The following ZNF420 variants were observed in gnomAD, a reference collection of about 807,000 sequenced individuals.
ZNF420 encodes ATM and p53-associated KZNF protein.
Under a neutral mutation model 44.7 loss-of-function variants are expected in ZNF420, and 31 were observed. The observed-to-expected ratio is 0.69, with a 90% confidence interval of 0.52 to 0.94. ZNF420 has a LOEUF of 0.94. ZNF420 is among the 40% of genes least tolerant of loss of function. The probability of loss-of-function intolerance (pLI) is 0.00; values close to 1 mark genes in which losing one functional copy is unlikely to be tolerated. For synonymous variants in ZNF420, 245 were observed against 267.4 expected, an observed-to-expected ratio of 0.92 and a Z score of 0.82; for missense variants, 681 against 827.9, an observed-to-expected ratio of 0.82 and a Z score of 2.18.
upstream of ZNF420, among the ~76,000 whole-genome samples, chr19:37,076,900 A>C (rs1044213136): frequency 6.6e-6 from 1 of 152,178 alleles, no homozygotes; most frequent in Non-Finnish European, 1.5e-5. Flanking sequence ...GTGCAATTTA[A>C]TTATCTATAT....
At chr19:37,111,148 C>A (rs373281198) in intron 4 of ZNF420, among the ~76,000 whole-genome samples, 3 of 152,212 alleles carry the variant, frequency 2.0e-5, no homozygotes, top group Non-Finnish European at 2.9e-5. Flanking sequence ...GTATTTTGAA[C>A]AATGATGCCT....
chr19:37,089,253 C>T, intron 3 of ZNF420, 126 bp downstream of exon 3: 1 of 833,000 alleles, frequency 1.2e-6, no homozygotes, highest in Non-Finnish European at 2.1e-6. Context: ...CTCAGTTTGT[C>T]CCATTCTGAT....
chr19:37,095,744 G>A (rs905761062), intron 4 of ZNF420, among the ~76,000 whole-genome samples: 5 of 152,044 alleles, frequency 3.3e-5, no homozygotes, highest in South Asian at 4.2e-4. Flanking sequence ...GATTACAGGC[G>A]CCCGCAGCCA....
chr19:37,008,146 G>A (rs2074542381), intron 1 of ZNF420: 4 of 301,090 alleles, frequency 1.3e-5, no homozygotes, highest in African/African-American at 2.3e-5. Flanking sequence ...GTGCCTGTAG[G>A]CTACTCTCTC....
intron 1 of ZNF420, among the ~76,000 whole-genome samples, chr19:37,040,877 C>T (rs1446174003): frequency 1.3e-5 from 2 of 152,084 alleles, no homozygotes; most frequent in Non-Finnish European, 2.9e-5. Context: ...TTATAAAGTT[C>T]TCTCTCAATG....
chr19:37,015,698 C>T (rs749335991), intron 1 of ZNF420, among the ~76,000 whole-genome samples: 12 of 152,172 alleles, frequency 7.9e-5, no homozygotes, highest in Admixed American at 6.5e-4. Flanking sequence ...AAGCTGGTTC[C>T]AACTCATTCT....
At chr19:37,023,564 C>T (rs2074664903) in intron 1 of ZNF420, among the ~76,000 whole-genome samples, 1 of 152,102 alleles carries the variant, frequency 6.6e-6, no homozygotes, top group Non-Finnish European at 1.5e-5. Context: ...CAGGGTTTTG[C>T]CGTGTTGGCC....
In ZNF420 at chr19:37,116,368, C is replaced by CAAA. The variant is rs57611154; in HGVS notation, c.137-10740_137-10738dup. ...TGGGCAACAGAGCAGGACTCCACCT[C>CAAA]AAAAAAAAAAAAAAAAAAAAAAGAA... On this transcript the variant is annotated intron_variant, in intron 4 of 4. Transcript: ENST00000337995. 7.6e-3 allele frequency among the ~76,000 whole-genome samples: 577 copies of CAAA among 75,532 alleles called. 8 individuals carry two copies. Among genetic ancestry groups the CAAA allele is most frequent in the African/African-American group, 0.021 (482 of 22,962 alleles). 49.6% of individuals were successfully genotyped at this position (75,532 alleles called of 152,430 possible).
chr19:37,104,776 A>G (rs1435349869), intron 4 of ZNF420, among the ~76,000 whole-genome samples: 2 of 152,002 alleles, frequency 1.3e-5, no homozygotes, highest in Non-Finnish European at 1.5e-5. Flanking sequence ...TTGGCTGCAT[A>G]TGTGTCTGTT....
At chr19:37,054,628 T>G (rs1172286766) in intron 1 of ZNF420, among the ~76,000 whole-genome samples, 2 of 152,214 alleles carry the variant, frequency 1.3e-5, no homozygotes, top group Non-Finnish European at 2.9e-5. Context: ...TTTACCACAC[T>G]GTTAAGACTC....
chr19:37,113,524 A>G (rs1028874440), intron 4 of ZNF420, among the ~76,000 whole-genome samples: 4 of 152,130 alleles, frequency 2.6e-5, no homozygotes, highest in Non-Finnish European at 4.4e-5. Context: ...TTCGTATGCC[A>G]TCAACTCCAC....
At chr19:37,121,024 A>G (rs1329929336) in intron 4 of ZNF420, among the ~76,000 whole-genome samples, 1 of 151,872 alleles carries the variant, frequency 6.6e-6, no homozygotes, top group Non-Finnish European at 1.5e-5. Flanking sequence ...TGGAAGAATC[A>G]ATATCATGAA....
At chr19:37,119,512 G>C (rs1970901505) in intron 4 of ZNF420, among the ~76,000 whole-genome samples, 1 of 152,144 alleles carries the variant, frequency 6.6e-6, no homozygotes, top group Non-Finnish European at 1.5e-5. Context: ...GTCCACAAGA[G>C]AAAGCAGGAA....
At chr19:37,104,317 A>G (rs1290797925) in intron 4 of ZNF420, among the ~76,000 whole-genome samples, 1 of 152,014 alleles carries the variant, frequency 6.6e-6, no homozygotes, top group Non-Finnish European at 1.5e-5. Context: ...ACATGAACTC[A>G]TCCTTTTTTA....
At chr19:37,038,552 T>A (rs185541701) in intron 1 of ZNF420, among the ~76,000 whole-genome samples, 76 of 152,346 alleles carry the variant, frequency 5.0e-4, no homozygotes, top group African/African-American at 1.4e-3. Context: ...TGTAAGTCCT[T>A]TGTTGTTCTT....
chr19:37,017,025 G>T (rs185814155), intron 1 of ZNF420, among the ~76,000 whole-genome samples: 4 of 152,134 alleles, frequency 2.6e-5, no homozygotes, highest in Non-Finnish European at 5.9e-5. Flanking sequence ...TTACTATTGT[G>T]GGGGGATATG....
chr19:37,110,192 A>G (rs540983311), intron 4 of ZNF420, among the ~76,000 whole-genome samples: 1 of 152,350 alleles, frequency 6.6e-6, no homozygotes, highest in African/African-American at 2.4e-5. Context: ...GTGAGTAAGT[A>G]TCAACTGTTA....
intron 2 of ZNF420, among the ~76,000 whole-genome samples, chr19:37,084,609 A>G (rs2146504205): frequency 6.6e-6 from 1 of 152,218 alleles, no homozygotes; most frequent in East Asian, 1.9e-4. Context: ...ACAGTATTAT[A>G]TCTGCCTTAA....
chr19:37,020,445 C>T (rs2074640113), intron 1 of ZNF420, among the ~76,000 whole-genome samples: 2 of 152,158 alleles, frequency 1.3e-5, no homozygotes, highest in Admixed American at 6.5e-5. Flanking sequence ...AGCTCTCACT[C>T]CCTAAACCCT....
Sources: allele counts gnomAD v4.1 joint callset (sites outside exome capture counted in the v4.1 genomes callset), GRCh38; gene constraint gnomAD v4.1.1; transcripts MANE v1.5; gene names NCBI Gene and HGNC (gene_info 2026-07-23, HGNC 2026-07-21).